Variants in EIF4E observed in about 807,000 individuals in gnomAD.
The protein encoded by EIF4E is eukaryotic translation initiation factor 4E, also known as eIF-4F 25 kDa subunit.
For synonymous variants in EIF4E, 71 were observed against 88.5 expected (o/e 0.80, Z 1.11); for missense variants, 113 against 265.6 (o/e 0.43, Z 3.99).
chr4:98,911,576 G>A (rs1487511044), intron 1 of EIF4E, among the ~76,000 whole-genome samples: 5 of 143,668 alleles, frequency 3.5e-5, no homozygotes, highest in Admixed American at 1.5e-4. Flanking sequence ...CAGGAGAATC[G>A]CTTGAACCCG....
intron 1 of EIF4E, among the ~76,000 whole-genome samples, chr4:98,902,397 T>A (rs1724691293): frequency 6.6e-6 from 1 of 152,076 alleles, no homozygotes; most frequent in Non-Finnish European, 1.5e-5. Flanking sequence ...GAAGAAGGAA[T>A]TAAAGCAGAT....
chr4:98,920,619 G>C (rs1725600305), intron 1 of EIF4E, among the ~76,000 whole-genome samples: 1 of 151,906 alleles, frequency 6.6e-6, no homozygotes, highest in Non-Finnish European at 1.5e-5. Flanking sequence ...CTCTAAGATA[G>C]GGGCTATAGG....
At chr4:98,926,900 G>A (rs1166186558) in intron 1 of EIF4E, among the ~76,000 whole-genome samples, 1 of 152,172 alleles carries the variant, frequency 6.6e-6, no homozygotes, top group East Asian at 1.9e-4. Context: ...CTGTGCTGCT[G>A]AAACAAAACT....
intron 1 of EIF4E, among the ~76,000 whole-genome samples, chr4:98,906,794 A>C (rs1724891012): frequency 6.6e-6 from 1 of 152,100 alleles, no homozygotes; most frequent in South Asian, 2.1e-4. Flanking sequence ...TTCTGATCAC[A>C]CCCTCTAGAG....
At chr4:98,884,505 A>G (rs1723830022) in intron 6 of EIF4E, among the ~76,000 whole-genome samples, 1 of 152,164 alleles carries the variant, frequency 6.6e-6, no homozygotes, top group Non-Finnish European at 1.5e-5. Flanking sequence ...AAGTTAAAAG[A>G]CCAGCCTGGC....
chr4:98,899,684 T>C (rs966723902), intron 2 of EIF4E, among the ~76,000 whole-genome samples: 1 of 152,128 alleles, frequency 6.6e-6, no homozygotes, highest in Non-Finnish European at 1.5e-5. Flanking sequence ...TATATCAATA[T>C]AATGCAAGAC....
At chr4:98,910,468 T>C (rs572267176) in intron 1 of EIF4E, among the ~76,000 whole-genome samples, 1 of 152,214 alleles carries the variant, frequency 6.6e-6, no homozygotes, top group East Asian at 1.9e-4. Context: ...TGTGATGATG[T>C]GTACAAATTG....
chr4:98,920,647 T>C (rs1725605219), intron 1 of EIF4E, among the ~76,000 whole-genome samples: 1 of 152,026 alleles, frequency 6.6e-6, no homozygotes, highest in African/African-American at 2.4e-5. Flanking sequence ...AAATTGCTAT[T>C]TTGGACCATG....
At chr4:98,909,855 C>T (rs140020685) in intron 1 of EIF4E, 3 of 664,084 alleles carry the variant, frequency 4.5e-6, no homozygotes, top group Non-Finnish European at 8.2e-6. Flanking sequence ...CCATGGTCCC[C>T]CAAGCGCCAT....
At chr4:98,886,804 C>G (rs1723939618) in intron 5 of EIF4E, 1 of 412,756 alleles carries the variant, frequency 2.4e-6, no homozygotes, top group Non-Finnish European at 4.6e-6. Context: ...ATGTAAGGTT[C>G]TATAATTTTG....
At chr4:98,888,664 G>A (rs1018098743) in intron 3 of EIF4E, among the ~76,000 whole-genome samples, 2 of 152,256 alleles carry the variant, frequency 1.3e-5, no homozygotes, top group East Asian at 1.9e-4. Flanking sequence ...CTGAAGGTAG[G>A]AGGCTTAGAT....
At chr4:98,916,998 G>A (rs968842039) in intron 1 of EIF4E, among the ~76,000 whole-genome samples, 8 of 151,814 alleles carry the variant, frequency 5.3e-5, no homozygotes, top group Admixed American at 2.0e-4. Flanking sequence ...TTGGAGCAAT[G>A]TGATTCAGGT....
chr4:98,881,731 A>T (rs1579144473), intron 6 of EIF4E, among the ~76,000 whole-genome samples: 2 of 152,216 alleles, frequency 1.3e-5, no homozygotes, highest in East Asian at 3.8e-4. Flanking sequence ...ACTTCGAGGG[A>T]GTGAATGAAA....
At chr4:98,895,460 T>C (rs1407752201) in intron 2 of EIF4E, 2 of 152,190 alleles carry the variant, frequency 1.3e-5, no homozygotes, top group Non-Finnish European at 2.9e-5. Context: ...CAAAGGGCAG[T>C]CAAAGGGAAA....
At position 98,886,849 on chromosome 4, in the gene EIF4E, G is replaced by T. The variant is rs1230807998; in HGVS notation, c.399+230C>A. 5 of 495,130 alleles carry T rather than the reference G, an allele frequency of 1.0e-5. No individual in the cohort carries two copies. The East Asian group carries it at 2.0e-4, about 19-fold the overall frequency. The allele number at this position is 495,130 out of a possible 1,614,324, so 30.7% of individuals were successfully genotyped here. A position where few individuals can be genotyped will look rare whatever the true frequency, so the allele number is the denominator to read the frequency against. ...AAATGACCACAGTGAGCTTACTGTG[G>T]TGAGAGTCAACTGCCAATCACTTAA... On this transcript the variant is annotated intron_variant, in intron 5 of 6. Coordinates refer to ENST00000450253, the MANE Select transcript of EIF4E (RefSeq NM_001968.5).
At chr4:98,928,249 G>C (rs759852923) in intron 1 of EIF4E, among the ~76,000 whole-genome samples, 1 of 151,822 alleles carries the variant, frequency 6.6e-6, no homozygotes, top group African/African-American at 2.4e-5. Flanking sequence ...CAAGCCGACC[G>C]GCTACAGCGA....
chr4:98,925,613 C>T (rs957737724), intron 1 of EIF4E, among the ~76,000 whole-genome samples: 1 of 152,164 alleles, frequency 6.6e-6, no homozygotes, highest in African/African-American at 2.4e-5. Context: ...TAACTCAACT[C>T]ATACAAAGAG....
At chr4:98,883,661 C>T (rs1174255741) in intron 6 of EIF4E, among the ~76,000 whole-genome samples, 3 of 151,760 alleles carry the variant, frequency 2.0e-5, no homozygotes, top group African/African-American at 2.4e-5. Flanking sequence ...CCTCAGCCTC[C>T]CAAAGTGCTG....
intron 1 of EIF4E, among the ~76,000 whole-genome samples, chr4:98,908,741 A>G (rs1317554720): frequency 6.6e-6 from 1 of 152,182 alleles, no homozygotes; most frequent in Non-Finnish European, 1.5e-5. Context: ...TTATCTCAAC[A>G]TACTATAAAT....
Sources: gnomAD v4.1 joint callset for allele counts (sites outside exome capture counted in the v4.1 genomes callset) on GRCh38, gnomAD v4.1.1 for gene constraint, MANE v1.5 for transcripts, NCBI Gene and HGNC (gene_info 2026-07-23, HGNC 2026-07-21) for gene names.